AGR3: variants seen among roughly 807,000 people sequenced by gnomAD.
The protein encoded by AGR3 is anterior gradient 3, protein disulphide isomerase family member, also known as anterior gradient protein 3.
A neutral mutation model predicts 24.5 loss-of-function variants in AGR3; 37 were observed. That is an observed-to-expected ratio of 1.51 (90% CI 1.16 to 1.99). The LOEUF (loss-of-function observed/expected upper bound fraction) is 1.99, where lower values mean the gene tolerates loss of function less well. AGR3 is among the 30% of genes most tolerant of loss of function. The pLI is 0.00. For missense variants in AGR3, 228 were observed against 191.1 expected (o/e 1.19, Z -1.14); for synonymous variants, 75 against 61.6 (o/e 1.22, Z -1.02).
intron 3 of AGR3, among the ~76,000 whole-genome samples, chr7:16,868,657 G>A (rs182912113): frequency 9.2e-5 from 14 of 152,056 alleles, no homozygotes; most frequent in Admixed American, 7.9e-4. Flanking sequence ...TTAGTTTGAT[G>A]TAATCTCACT....
intron 3 of AGR3, among the ~76,000 whole-genome samples, chr7:16,867,774 C>T (rs1781786906): frequency 6.6e-6 from 1 of 152,144 alleles, no homozygotes. Flanking sequence ...GTTTCACTCA[C>T]CATAATGTTC....
At chr7:16,872,124 C>T (rs543715663) in intron 3 of AGR3, among the ~76,000 whole-genome samples, 131 of 152,200 alleles carry the variant, frequency 8.6e-4, no homozygotes, top group Admixed American at 1.4e-3. Flanking sequence ...TTGTATAGAA[C>T]CACAACAGAC....
intron 5 of AGR3, 56 bp downstream of exon 5, chr7:16,861,928 G>T: frequency 1.4e-6 from 2 of 1,395,868 alleles, no homozygotes; most frequent in South Asian, 1.3e-5. Flanking sequence ...GAAAAAAACG[G>T]ATTCAAAATT....
Position 16,859,751 on chromosome 7 carries a change from C to T in AGR3, c.452-120G>A, listed in dbSNP as rs1398752398. The T allele has an allele frequency of 2.8e-5, 17 of 613,446 alleles. No individual in the cohort carries two copies. In the East Asian group the frequency reaches 3.9e-4, roughly 14 times the overall value. The allele number at this position is 613,446 out of a possible 1,614,324, so 38.0% of individuals were successfully genotyped here. Reference sequence around the variant, plus strand: ...ATTAATAGCTTTGAACATGGGAATTCGTCTATGACATTAAAGAATATGCTA... The same window carrying T: ...ATTAATAGCTTTGAACATGGGAATTTGTCTATGACATTAAAGAATATGCTA... On this transcript the variant is annotated intron_variant, in intron 7 of 7. Coordinates refer to ENST00000310398, the MANE Select transcript of AGR3 (RefSeq NM_176813.5).
chr7:16,880,225 A>G (rs1583849858), intron 1 of AGR3, among the ~76,000 whole-genome samples: 1 of 131,120 alleles, frequency 7.6e-6, no homozygotes, highest in Admixed American at 8.7e-5. Flanking sequence ...CAGTGGGGCC[A>G]TCTCCACTCA....
At chr7:16,871,135 CAAATT>C (rs751170967) in intron 3 of AGR3, among the ~76,000 whole-genome samples, 3 of 152,164 alleles carry the variant, frequency 2.0e-5, no homozygotes, top group Non-Finnish European at 4.4e-5. Flanking sequence ...AAAAGCTACT[CAAATT>C]GCTCTAATAT....
chr7:16,874,960 G>A (rs566310108), intron 2 of AGR3, among the ~76,000 whole-genome samples: 6 of 151,734 alleles, frequency 4.0e-5, no homozygotes, highest in African/African-American at 1.2e-4. Flanking sequence ...TACTAAAAAT[G>A]CAAAAATTAG....
chr7:16,868,486 G>A (rs1234369284), intron 3 of AGR3, among the ~76,000 whole-genome samples: 1 of 151,974 alleles, frequency 6.6e-6, no homozygotes, highest in African/African-American at 2.4e-5. Flanking sequence ...TGTCTATTTA[G>A]GTCTTTTGTC....
chr7:16,862,733 T>A, intron 3 of AGR3, 71 bp from the exon 4 acceptor site: 1 of 1,049,698 alleles, frequency 9.5e-7, no homozygotes, highest in Non-Finnish European at 1.4e-6. Context: ...GAGTTAGATT[T>A]AAAATTTTAT....
chr7:16,865,405 T>C (rs1781737656), intron 3 of AGR3: 4 of 972,386 alleles, frequency 4.1e-6, no homozygotes, highest in South Asian at 3.9e-5. Context: ...ATAGTCACTA[T>C]TCGATTAAGA....
At chr7:16,880,134 C>G (rs2115320211) in intron 1 of AGR3, among the ~76,000 whole-genome samples, 1 of 129,916 alleles carries the variant, frequency 7.7e-6, no homozygotes, top group African/African-American at 3.0e-5. Context: ...CTTCCTCTTT[C>G]TCTCTCTCTT....
chr7:16,871,569 G>A (rs1015070656), intron 3 of AGR3, among the ~76,000 whole-genome samples: 5 of 152,122 alleles, frequency 3.3e-5, no homozygotes, highest in South Asian at 2.1e-4. Flanking sequence ...AAGGCCAGGC[G>A]TGGTGGCTAA....
At chr7:16,865,827 A>G in intron 3 of AGR3, 1 of 744,156 alleles carries the variant, frequency 1.3e-6, no homozygotes, top group Non-Finnish European at 2.5e-6. Context: ...GGATTAATCC[A>G]CTCTTGTACT....
At chr7:16,872,749 C>G (rs910618537) in intron 3 of AGR3, among the ~76,000 whole-genome samples, 59 of 151,984 alleles carry the variant, frequency 3.9e-4, no homozygotes, top group African/African-American at 1.3e-3. Context: ...TCAAACAACT[C>G]AACAACAAAA....
At chr7:16,867,909 A>G (rs1234302219) in intron 3 of AGR3, among the ~76,000 whole-genome samples, 2 of 152,118 alleles carry the variant, frequency 1.3e-5, no homozygotes, top group African/African-American at 2.4e-5. Context: ...TGGTAGTTCT[A>G]TTTTTAATTT....
rs778047928 is a variant in AGR3 at position 16,865,036 on chromosome 7, C to G, written c.174-2374G>C. 2.6e-5 allele frequency: 21 copies of G among 819,378 alleles called. 1 individual carries two copies. The highest frequency in any genetic ancestry group is 2.3e-4 in the South Asian group (17 of 74,420). The allele number at this position is 819,378 out of a possible 1,614,324, so 50.8% of individuals were successfully genotyped here. ...AACAAGTATGTATCCTGTTCATATT[C>G]TGATAAATGAGAGGGCAACCAAGAT... On this transcript the variant is annotated intron_variant, in intron 3 of 7. Coordinates refer to ENST00000310398, the MANE Select transcript of AGR3 (RefSeq NM_176813.5).
intron 2 of AGR3, among the ~76,000 whole-genome samples, chr7:16,874,676 C>A (rs1435842095): frequency 6.6e-6 from 1 of 152,010 alleles, no homozygotes; most frequent in Non-Finnish European, 1.5e-5. Flanking sequence ...GTTGTCAGAC[C>A]ACAGTTTCTG....
chr7:16,860,598 A>C lies in AGR3; in HGVS notation c.368-15T>G, dbSNP rs1301173788. 6.3e-7 allele frequency: 1 copy of C among 1,580,000 alleles called. No homozygotes were observed. The highest frequency in any genetic ancestry group is 1.7e-5 in the Admixed American group (1 of 58,128). Reference sequence around the variant, plus strand: ...TAAAGAAGGGTCTGTCAAGGAAAAAACCAAGTCACGAAAGTATAATTTAGC... The same window carrying C: ...TAAAGAAGGGTCTGTCAAGGAAAAACCCAAGTCACGAAAGTATAATTTAGC... On this transcript the variant is annotated splice_polypyrimidine_tract_variant and intron_variant, in intron 6 of 7. Transcript: ENST00000310398.
At chr7:16,864,552 C>T (rs755936551) in intron 3 of AGR3, 13 of 1,368,578 alleles carry the variant, frequency 9.5e-6, no homozygotes, top group East Asian at 9.2e-5. Flanking sequence ...TCAGAGGGAG[C>T]CTTCCAATAT....
Sources: allele counts gnomAD v4.1 joint callset (sites outside exome capture counted in the v4.1 genomes callset), GRCh38; gene constraint gnomAD v4.1.1; transcripts MANE v1.5; gene names NCBI Gene and HGNC (gene_info 2026-07-23, HGNC 2026-07-21).